Variants in ANKAR observed in about 807,000 individuals in gnomAD.
ANKAR encodes the protein ankyrin and armadillo repeat containing.
ANKAR carries 136 observed loss-of-function variants against 146.2 expected under a neutral mutation model. The observed-to-expected ratio is 0.93, with a 90% confidence interval of 0.81 to 1.07. The LOEUF (loss-of-function observed/expected upper bound fraction) is 1.07, where lower values mean the gene tolerates loss of function less well. Among genes scored for constraint, ANKAR ranks in the 50% least tolerant of loss-of-function variants. The pLI is 0.00. For missense variants in ANKAR, 1,567 were observed against 1,679.9 expected, an observed-to-expected ratio of 0.93 and a Z score of 1.18; for synonymous variants, 500 against 575.8, an observed-to-expected ratio of 0.87 and a Z score of 1.88.
Position 189,676,891 on chromosome 2 carries a change from T to C in ANKAR, c.401T>C (p.Leu134Ser). Residue 134 changes from leucine to serine, a missense_variant, in exon 2 of 23, where the codon TTA (leucine) becomes TCA (serine). Leu to Ser is a moderately radical substitution (Grantham distance 145). Transcript: ENST00000684021. ...ANYDQSSSCQ[L>S]PPAYYDTRIG... Reference sequence around the variant, plus strand: ...TATGATCAGAGTTCTTCTTGTCAATTACCTCCAGCTTATTATGATACCAGA... The same window carrying C: ...TATGATCAGAGTTCTTCTTGTCAATCACCTCCAGCTTATTATGATACCAGA... The C allele has an allele frequency of 6.2e-7, 1 of 1,614,202 alleles. No homozygotes were observed. The highest frequency in any genetic ancestry group is 1.1e-5 in the South Asian group (1 of 91,088).
chr2:189,750,787 TTAAA>T, downstream of ANKAR: 1 of 588,818 alleles, frequency 1.7e-6, no homozygotes, highest in Admixed American at 3.8e-5. Flanking sequence ...GTGATGATTC[TTAAA>T]TACTTACAAA....
intron 10 of ANKAR, among the ~76,000 whole-genome samples, chr2:189,715,470 T>G (rs985289005): frequency 6.6e-6 from 1 of 152,036 alleles, no homozygotes; most frequent in African/African-American, 2.4e-5. Flanking sequence ...CAAAAGAAGT[T>G]CAGGACCAGA....
rs1334953143 is a variant in ANKAR at position 189,738,465 on chromosome 2, T to G, written c.3583-100T>G. ...CTCTAAACACTCCCTTTAAGAAGTA[T>G]CAAAAGAATTAAAAAAAAAACATAA... On this transcript the variant is annotated intron_variant, in intron 18 of 22. Coordinates refer to ENST00000684021, the MANE Select transcript of ANKAR (RefSeq NM_001378068.1). 3 of 689,776 alleles carry G rather than the reference T, an allele frequency of 4.3e-6. No individual in the cohort carries two copies. The African/African-American group carries it at 5.6e-5, about 13-fold the overall frequency. The allele number at this position is 689,776 out of a possible 1,614,324, so 42.7% of individuals were successfully genotyped here.
At chr2:189,728,474 G>T (rs1333754920) in intron 14 of ANKAR, 54 bp downstream of exon 14, 10 of 1,536,392 alleles carry the variant, frequency 6.5e-6, no homozygotes, top group East Asian at 4.7e-5. Flanking sequence ...ATCTTGCTCT[G>T]TTGCCCAGCC....
At chr2:189,760,151 T>A (rs901066631) in intron 18 of ANKAR, among the ~76,000 whole-genome samples, 1 of 152,254 alleles carries the variant, frequency 6.6e-6, no homozygotes, top group Non-Finnish European at 1.5e-5. Flanking sequence ...CTCCTATGTC[T>A]ACTTCTTTCT....
chr2:189,754,388 T>A, intron 18 of ANKAR: 1 of 1,500,506 alleles, frequency 6.7e-7, no homozygotes, highest in Non-Finnish European at 9.0e-7. Flanking sequence ...AATTAAATAC[T>A]GTGAAACGAA....
In ANKAR at chr2:189,719,681, T is replaced by G; in HGVS notation, c.2334T>G (p.Ala778=). 1 of 1,614,190 alleles carries G rather than the reference T, an allele frequency of 6.2e-7. No individual in the cohort carries two copies. The highest frequency in any genetic ancestry group is 8.5e-7 in the Non-Finnish European group (1 of 1,180,024). ...NISTHKSAVH[A]LVEAGGIPSL... Reference sequence around the variant, plus strand: ...CAACCCACAAAAGTGCAGTGCATGCTTTGGTAGAAGCGGGAGGCATTCCAT... The same window carrying G: ...CAACCCACAAAAGTGCAGTGCATGCGTTGGTAGAAGCGGGAGGCATTCCAT... Residue 778 remains alanine, a synonymous_variant, in exon 11 of 23, where the codon GCT becomes GCG. Transcript: ENST00000684021.
At chr2:189,717,302 A>G (rs1283736663) in intron 10 of ANKAR, among the ~76,000 whole-genome samples, 1 of 152,252 alleles carries the variant, frequency 6.6e-6, no homozygotes, top group Admixed American at 6.5e-5. Context: ...TTCTCAAAAG[A>G]AGACATTTAT....
At chr2:189,752,492 C>T (rs1387267857) in intron 18 of ANKAR, among the ~76,000 whole-genome samples, 1 of 152,178 alleles carries the variant, frequency 6.6e-6, no homozygotes, top group Non-Finnish European at 1.5e-5. Context: ...AAAAATATTT[C>T]TCATATGGTA....
At chr2:189,695,714 C>T (rs1363478915) in intron 6 of ANKAR, among the ~76,000 whole-genome samples, 2 of 152,190 alleles carry the variant, frequency 1.3e-5, no homozygotes, top group Non-Finnish European at 2.9e-5. Flanking sequence ...TTCACGTCCA[C>T]AAATTAAAAC....
chr2:189,746,585 G>C lies in ANKAR; in HGVS notation c.4263G>C (p.Gly1421=). ...RPRIVCLNQL[G]KHVQKANPEP... ...GAATAGTGTGTTTGAACCAACTTGG[G>C]AAACATGTCCAGAAAGCCAACCCAG... Residue 1421 remains glycine, a synonymous_variant, in exon 23 of 23, where the codon GGG becomes GGC. Transcript: ENST00000684021. 1.9e-6 allele frequency: 3 copies of C among 1,612,350 alleles called. No individual in the cohort carries two copies. Among genetic ancestry groups the C allele is most frequent in the Non-Finnish European group, 2.5e-6 (3 of 1,179,504 alleles).
intron 10 of ANKAR, among the ~76,000 whole-genome samples, chr2:189,718,970 C>T (rs1038654771): frequency 2.6e-5 from 4 of 151,516 alleles, no homozygotes; most frequent in African/African-American, 7.3e-5. Flanking sequence ...AGGATGGTCT[C>T]GATCTCCTGA....
At chr2:189,745,191 A>T (rs79052470) in intron 22 of ANKAR, among the ~76,000 whole-genome samples, 10 of 146,116 alleles carry the variant, frequency 6.8e-5, no homozygotes, top group African/African-American at 2.5e-4. Flanking sequence ...ACTCTGTCTC[A>T]AAAAAAAAAG....
At chr2:189,729,565 A>G (rs930759171) in intron 15 of ANKAR, among the ~76,000 whole-genome samples, 1 of 152,190 alleles carries the variant, frequency 6.6e-6, no homozygotes, top group African/African-American at 2.4e-5. Flanking sequence ...AGACTCTGAC[A>G]TAAATTACAG....
chr2:189,694,941 A>G (rs998385447), intron 5 of ANKAR, 40 bp from the exon 6 acceptor site: 9 of 1,306,112 alleles, frequency 6.9e-6, no homozygotes, highest in Non-Finnish European at 9.0e-6. Flanking sequence ...AAATCACTTC[A>G]AAGTTAGAGA....
intron 18 of ANKAR, chr2:189,755,043 T>C (rs796953202): frequency 1.9e-6 from 2 of 1,064,510 alleles, no homozygotes; most frequent in Admixed American, 6.0e-5. Context: ...TCTCACCATA[T>C]GTGAATTTTT....
rs2036646623 is a variant in ANKAR at position 189,692,995 on chromosome 2, A to T, written c.1204-79A>T. ...TTTAAAATTTGTCATTTACATGTAT[A>T]CTCTTTCATACAAAGAATTCTTATA... is the stretch of plus-strand genomic sequence containing the variant. On this transcript the variant is annotated intron_variant, in intron 4 of 22. Transcript: ENST00000684021. 4 of 737,882 alleles carry T rather than the reference A, an allele frequency of 5.4e-6. 1 individual carries two copies. Among genetic ancestry groups the T allele is most frequent in the Admixed American group, 6.3e-5 (2 of 31,836 alleles). The allele number at this position is 737,882 out of a possible 1,614,324, so 45.7% of individuals were successfully genotyped here.
chr2:189,758,747 C>T (rs2046477707), intron 18 of ANKAR, among the ~76,000 whole-genome samples: 1 of 152,092 alleles, frequency 6.6e-6, no homozygotes, highest in Non-Finnish European at 1.5e-5. Context: ...TAGACATGGC[C>T]CCTGTCACCT....
At chr2:189,725,929 G>T (rs1170896666) in intron 12 of ANKAR, among the ~76,000 whole-genome samples, 1 of 152,002 alleles carries the variant, frequency 6.6e-6, no homozygotes, top group East Asian at 1.9e-4. Flanking sequence ...GAAAAGAAAA[G>T]AAAAGTAAAG....
Sources: allele counts gnomAD v4.1 joint callset (sites outside exome capture counted in the v4.1 genomes callset), GRCh38; gene constraint gnomAD v4.1.1; transcripts MANE v1.5; gene names NCBI Gene and HGNC (gene_info 2026-07-23, HGNC 2026-07-21).